TTYH2: variants seen among roughly 807,000 people sequenced by gnomAD.
TTYH2 encodes the protein protein tweety homolog 2.
A neutral mutation model predicts 68.3 loss-of-function variants in TTYH2; 49 were observed. That is an observed-to-expected ratio of 0.72 (90% CI 0.57 to 0.91). The LOEUF (loss-of-function observed/expected upper bound fraction) is 0.91, where lower values mean the gene tolerates loss of function less well. TTYH2 is among the 40% of genes least tolerant of loss of function. The pLI is 0.00. For synonymous variants in TTYH2, 272 were observed against 300.8 expected (o/e 0.90, Z 0.99); for missense variants, 631 against 700.4 (o/e 0.90, Z 1.12).
Position 74,222,481 on chromosome 17 carries a change from C to T in TTYH2, c.130-4C>T, listed in dbSNP as rs201552601. On this transcript the variant is annotated splice_region_variant and splice_polypyrimidine_tract_variant and intron_variant, in intron 1 of 13. Transcript: ENST00000269346. The surrounding 1 kb of genome is among the most constrained non-coding windows in gnomAD (Gnocchi z 5.2). ...AGTGACAACAGGCCTCTGCTCTCTTCCAGTCGCTGCTGTTCCTGGGGCTGG... is the reference window on the plus strand; with the variant it reads ...AGTGACAACAGGCCTCTGCTCTCTTTCAGTCGCTGCTGTTCCTGGGGCTGG... 5.9e-4 allele frequency: 955 copies of T among 1,607,010 alleles called. 2 individuals are homozygous for T. The highest frequency in any genetic ancestry group is 1.2e-3 in the Middle Eastern group (7 of 6,044).
intron 13 of TTYH2, among the ~76,000 whole-genome samples, chr17:74,255,222 G>T (rs1364461459): frequency 6.6e-6 from 1 of 152,198 alleles, no homozygotes; most frequent in East Asian, 1.9e-4. Context: ...CTGTGACTTT[G>T]GACAAGCACT....
chr17:74,257,283 CACTTA>C lies in TTYH2; in HGVS notation c.1525-2845_1525-2841del, dbSNP rs1207113044. Among the ~76,000 whole-genome samples, 13 of 152,312 alleles carry C rather than the reference CACTTA, an allele frequency of 8.5e-5. No homozygotes were observed. The South Asian group carries it at 2.7e-3, about 32-fold the overall frequency. ...CCTAGATTTAAGACCTGCCCAGAAA[CACTTA>C]TTGCTTTGGCCAAGTTGACTGCCCA... On this transcript the variant is annotated intron_variant, in intron 13 of 13. Transcript: ENST00000269346.
intron 13 of TTYH2, among the ~76,000 whole-genome samples, chr17:74,258,139 G>A (rs2050711517): frequency 6.6e-6 from 1 of 151,628 alleles, no homozygotes; most frequent in African/African-American, 2.4e-5. Flanking sequence ...GGGTGACAGA[G>A]TGAGATTCTG....
chr17:74,238,518 C>T (rs1040696791), intron 4 of TTYH2, among the ~76,000 whole-genome samples: 3 of 152,270 alleles, frequency 2.0e-5, no homozygotes, highest in Middle Eastern at 3.4e-3. Context: ...CCCGCCTCAG[C>T]CTCCTGAGTA....
chr17:74,224,967 C>G (rs1268358483), intron 2 of TTYH2, among the ~76,000 whole-genome samples: 1 of 150,138 alleles, frequency 6.7e-6, no homozygotes, highest in Non-Finnish European at 1.5e-5. Context: ...CCATTGCATT[C>G]TAGCCTGGGC....
chr17:74,256,194 T>C (rs565984110), intron 13 of TTYH2, among the ~76,000 whole-genome samples: 32 of 152,162 alleles, frequency 2.1e-4, no homozygotes, highest in Non-Finnish European at 3.5e-4. Flanking sequence ...TCCAGAAGGT[T>C]CTATTTAATA....
chr17:74,253,945 T>G (rs1248318751), intron 13 of TTYH2, 112 bp downstream of exon 13: 2 of 1,171,088 alleles, frequency 1.7e-6, no homozygotes, highest in Non-Finnish European at 2.5e-6. Context: ...TGTTCTGTTA[T>G]TGAATATGCA....
rs186371117 is a variant in TTYH2, at chr17:74,221,019, C to T, written c.130-1466C>T. 2.7e-4 allele frequency among the ~76,000 whole-genome samples: 41 copies of T among 152,296 alleles called. 1 individual carries two copies. The highest frequency in any genetic ancestry group is 3.9e-4 in the East Asian group (2 of 5,184). ...GTATTGCCCAGACTGGTCCTGAACT[C>T]CTGGGCTCGAGCAATCCTCTCACCT... On this transcript the variant is annotated intron_variant, in intron 1 of 13. Transcript: ENST00000269346.
At chr17:74,219,403 A>AAAAAAAAAAAAAAAAAAAAAAAAAAAAAG (rs1241503126) in intron 1 of TTYH2, among the ~76,000 whole-genome samples, 2 of 149,546 alleles carry the variant, frequency 1.3e-5, no homozygotes, top group African/African-American at 5.1e-5. Flanking sequence ...AAAAAAAAAA[A>AAAAAAAAAAAAAAAAAAAAAAAAAAAAAG]GAATAACTTA....
intron 2 of TTYH2, among the ~76,000 whole-genome samples, chr17:74,229,912 C>T (rs535895125): frequency 5.5e-4 from 84 of 152,154 alleles, no homozygotes; most frequent in Non-Finnish European, 8.8e-4. Flanking sequence ...AGGTGGATCA[C>T]CTGAGGTCAG....
intron 1 of TTYH2, among the ~76,000 whole-genome samples, chr17:74,219,682 T>C (rs1275186988): frequency 6.6e-6 from 1 of 152,230 alleles, no homozygotes; most frequent in Non-Finnish European, 1.5e-5. Context: ...TGCTGTTCCA[T>C]GTCTGGCTTT....
intron 2 of TTYH2, among the ~76,000 whole-genome samples, chr17:74,223,757 T>C (rs6501701): frequency 0.084 from 12,782 of 151,994 alleles, 1,734 homozygotes; most frequent in African/African-American, 0.29. Context: ...TCCCACTACC[T>C]GGCAGCAGGC....
chr17:74,240,462 CTA>C (rs1307837066), intron 4 of TTYH2, among the ~76,000 whole-genome samples: 1 of 151,510 alleles, frequency 6.6e-6, no homozygotes, highest in Non-Finnish European at 1.5e-5. Flanking sequence ...AAGCAGAGGT[CTA>C]GTCCAAGGTT....
Position 74,214,517 on chromosome 17 carries a change from C to T in TTYH2, c.129+801C>T, listed in dbSNP as rs1448004950. Among the ~76,000 whole-genome samples, 2 of 152,100 alleles carry T rather than the reference C, an allele frequency of 1.3e-5. No homozygotes were observed. The highest frequency in any genetic ancestry group is 2.9e-5 in the Non-Finnish European group (2 of 68,028). On this transcript the variant is annotated intron_variant, in intron 1 of 13. Coordinates refer to ENST00000269346, the MANE Select transcript of TTYH2 (RefSeq NM_032646.6). The surrounding 1 kb of genome is among the most constrained non-coding windows in gnomAD (Gnocchi z 4.6). The stretch of plus-strand genomic sequence containing the variant: ...CTGAATTTCTGGCCTAGGGCAGTCA[C>T]TCCCGGCTTCCCCGCCCTTTCCCTA...
At chr17:74,234,864 T>C (rs1329483050) in intron 3 of TTYH2, among the ~76,000 whole-genome samples, 3 of 152,242 alleles carry the variant, frequency 2.0e-5, no homozygotes, top group African/African-American at 7.2e-5. Context: ...TCTTTGATGA[T>C]AGTGCCATTT....
At position 74,217,965 on chromosome 17, in the gene TTYH2, G is replaced by A. The variant is rs1188026744; in HGVS notation, c.129+4249G>A. ...AAGGAGGTGGCTGCAGGGCACAGTG[G>A]GAGGCGTGGGGAGGCGTGGGAAATT... On this transcript the variant is annotated intron_variant, in intron 1 of 13. Transcript: ENST00000269346. The surrounding 1 kb of genome is among the most constrained non-coding windows in gnomAD (Gnocchi z 4.0). 6.6e-6 allele frequency among the ~76,000 whole-genome samples: 1 copy of A among 151,950 alleles called. No individual in the cohort carries two copies. Among genetic ancestry groups the A allele is most frequent in the East Asian group, 2.0e-4 (1 of 5,006 alleles).
intron 3 of TTYH2, among the ~76,000 whole-genome samples, chr17:74,236,910 T>C (rs2050448283): frequency 6.6e-6 from 1 of 151,388 alleles, no homozygotes. Flanking sequence ...TTTTTTTTTT[T>C]TTCGACACAG....
intron 4 of TTYH2, 144 bp from the exon 5 acceptor site, chr17:74,243,230 A>G (rs1598226006): frequency 4.4e-6 from 3 of 688,516 alleles, no homozygotes; most frequent in Admixed American, 2.3e-5. Flanking sequence ...CAGCCCACGC[A>G]TGCTGGGTGC....
intron 3 of TTYH2, among the ~76,000 whole-genome samples, chr17:74,231,732 C>T (rs956853671): frequency 2.8e-4 from 43 of 152,008 alleles, no homozygotes; most frequent in Admixed American, 2.5e-3. Context: ...GTAGTGGAGA[C>T]CTGCCCCAGC....
Sources: allele counts gnomAD v4.1 joint callset (sites outside exome capture counted in the v4.1 genomes callset), GRCh38; gene constraint gnomAD v4.1.1; non-coding constraint Gnocchi (gnomAD v3.1); transcripts MANE v1.5; gene names NCBI Gene and HGNC (gene_info 2026-07-23, HGNC 2026-07-21).